Variants in DROSHA observed in about 807,000 individuals in gnomAD.
DROSHA encodes the protein drosha ribonuclease III.
DROSHA carries 56 observed loss-of-function variants against 181.9 expected under a neutral mutation model. The observed-to-expected ratio is 0.31, with a 90% CI of 0.25 to 0.38. The LOEUF is 0.38. Among genes scored for constraint, DROSHA ranks in the 10% least tolerant of loss-of-function variants. The pLI is 1.00. For missense variants in DROSHA, 1,218 were observed against 1,743.5 expected (o/e 0.70, Z 5.37); for synonymous variants, 524 against 591.2 (o/e 0.89, Z 1.65).
intron 16 of DROSHA, among the ~76,000 whole-genome samples, chr5:31,482,366 C>G (rs1751131948): frequency 6.6e-6 from 1 of 151,806 alleles, no homozygotes; most frequent in South Asian, 2.1e-4. Flanking sequence ...GAGCACAGGA[C>G]CTGGTGGGGA....
Position 31,401,339 on chromosome 5 carries a change from C to G in DROSHA, c.*93G>C. On this transcript the variant is annotated 3_prime_UTR_variant, in exon 36 of 36. Transcript: ENST00000344624. ...GTATTTTATTTCAATGAGCACACTTCATTCATTGTCTGCAGGAAAACTAGG... is the reference window on the plus strand; with the variant it reads ...GTATTTTATTTCAATGAGCACACTTGATTCATTGTCTGCAGGAAAACTAGG... 2.0e-6 allele frequency: 3 copies of G among 1,509,584 alleles called. No homozygotes were observed. Among genetic ancestry groups the G allele is most frequent in the Non-Finnish European group, 2.7e-6 (3 of 1,093,804 alleles). The allele number at this position is 1,509,584 out of a possible 1,614,324, so 93.5% of individuals were successfully genotyped here.
At chr5:31,506,136 G>T (rs1457381794) in intron 10 of DROSHA, among the ~76,000 whole-genome samples, 1 of 151,596 alleles carries the variant, frequency 6.6e-6, no homozygotes, top group Non-Finnish European at 1.5e-5. Context: ...TGAGGCGGAC[G>T]GATCACCTGA....
chr5:31,490,368 A>C (rs911963055), intron 13 of DROSHA, among the ~76,000 whole-genome samples: 3 of 151,496 alleles, frequency 2.0e-5, no homozygotes, highest in Non-Finnish European at 4.4e-5. Context: ...TTTTTTGTAG[A>C]GATGAGGTCC....
chr5:31,417,004 T>C (rs938839258), intron 30 of DROSHA, among the ~76,000 whole-genome samples: 4 of 152,154 alleles, frequency 2.6e-5, no homozygotes, highest in East Asian at 1.9e-4. Context: ...AGAAGACAGA[T>C]AGTAAACAAG....
At chr5:31,445,428 G>A (rs114982820) in intron 23 of DROSHA, among the ~76,000 whole-genome samples, 226 of 152,226 alleles carry the variant, frequency 1.5e-3, no homozygotes, top group Middle Eastern at 0.01. Context: ...AAAAGCTAAC[G>A]TACAAAACTT....
At chr5:31,471,713 T>C (rs1252873847) in intron 17 of DROSHA, among the ~76,000 whole-genome samples, 2 of 152,130 alleles carry the variant, frequency 1.3e-5, no homozygotes, top group Non-Finnish European at 2.9e-5. Context: ...CCCCCAACTC[T>C]CATCAAATTC....
chr5:31,530,733 G>A (rs1024460168), intron 3 of DROSHA, 65 bp downstream of exon 3: 2 of 386,744 alleles, frequency 5.2e-6, no homozygotes, highest in African/African-American at 4.2e-5. Flanking sequence ...AGCCCTTCCT[G>A]ATTCCCTTAG....
chr5:31,402,219 C>T (rs1463938834), intron 35 of DROSHA, among the ~76,000 whole-genome samples: 1 of 152,072 alleles, frequency 6.6e-6, no homozygotes, highest in African/African-American at 2.4e-5. Context: ...AAGATGTGGG[C>T]GAGCATGGCA....
At chr5:31,433,856 G>A (rs1744490995) in intron 25 of DROSHA, among the ~76,000 whole-genome samples, 1 of 152,156 alleles carries the variant, frequency 6.6e-6, no homozygotes, top group Non-Finnish European at 1.5e-5. Context: ...CCCGGTATTA[G>A]TACAACTTTT....
chr5:31,531,125 G>A (rs1485071442), intron 2 of DROSHA, among the ~76,000 whole-genome samples: 1 of 152,154 alleles, frequency 6.6e-6, no homozygotes, highest in African/African-American at 2.4e-5. Flanking sequence ...CACACAGCCT[G>A]TAGGATTCAA....
intron 9 of DROSHA, among the ~76,000 whole-genome samples, 190 bp downstream of exon 9, chr5:31,510,845 A>G (rs1297311258): frequency 6.6e-6 from 1 of 152,256 alleles, no homozygotes; most frequent in Non-Finnish European, 1.5e-5. Context: ...GTATTCTGCC[A>G]AATGAACTAA....
chr5:31,506,094 C>G (rs970877478), intron 10 of DROSHA, among the ~76,000 whole-genome samples: 1 of 152,214 alleles, frequency 6.6e-6, no homozygotes, highest in African/African-American at 2.4e-5. Flanking sequence ...TGCGCAGTGG[C>G]ACACGCCTGT....
At chr5:31,446,240 A>T (rs1746240275) in intron 23 of DROSHA, among the ~76,000 whole-genome samples, 1 of 152,060 alleles carries the variant, frequency 6.6e-6, no homozygotes, top group African/African-American at 2.4e-5. Flanking sequence ...AGGTCAGGAC[A>T]TCAAGACCAC....
intron 33 of DROSHA, among the ~76,000 whole-genome samples, chr5:31,407,407 G>A (rs1287024120): frequency 6.6e-6 from 1 of 152,114 alleles, no homozygotes; most frequent in Non-Finnish European, 1.5e-5. Context: ...TCTAATGTCT[G>A]TATCTTATCT....
chr5:31,481,804 A>C (rs1416639572), intron 16 of DROSHA, among the ~76,000 whole-genome samples: 2 of 152,234 alleles, frequency 1.3e-5, no homozygotes, highest in East Asian at 1.9e-4. Flanking sequence ...ACACAAGAGG[A>C]GTCAAAGAGA....
At chr5:31,504,958 C>T (rs1442256278) in intron 10 of DROSHA, among the ~76,000 whole-genome samples, 3 of 152,168 alleles carry the variant, frequency 2.0e-5, no homozygotes, top group African/African-American at 7.2e-5. Context: ...TTTCTTATCT[C>T]AAGAAAAATG....
chr5:31,461,983 C>T (rs1183626763), intron 20 of DROSHA, among the ~76,000 whole-genome samples: 1 of 152,030 alleles, frequency 6.6e-6, no homozygotes, highest in East Asian at 1.9e-4. Context: ...AATAATGCAT[C>T]CAGGATAATT....
chr5:31,492,183 C>A (rs1561246891), intron 13 of DROSHA, among the ~76,000 whole-genome samples: 1 of 152,082 alleles, frequency 6.6e-6, no homozygotes, highest in Non-Finnish European at 1.5e-5. Flanking sequence ...TTTTACATTA[C>A]AATGTAATCA....
In DROSHA at chr5:31,409,524, A is replaced by T. The variant is rs898433207; in HGVS notation, c.3668-192T>A. 5.2e-6 allele frequency: 3 copies of T among 579,152 alleles called. No homozygotes were observed. The highest frequency in any genetic ancestry group is 2.1e-5 in the South Asian group (1 of 48,410). The allele number at this position is 579,152 out of a possible 1,614,324, so 35.9% of individuals were successfully genotyped here. ...TCAGAAGCAGCAAGAGATGTGTAAG[A>T]TGCAAATCATAGAGTACAAACACCA... On this transcript the variant is annotated intron_variant, in intron 31 of 35. Coordinates refer to ENST00000344624, the MANE Select transcript of DROSHA (RefSeq NM_001382508.1). The surrounding 1 kb of genome is among the most constrained non-coding windows in gnomAD (Gnocchi z 4.0).
Sources: gnomAD v4.1 joint callset for allele counts (sites outside exome capture counted in the v4.1 genomes callset) on GRCh38, gnomAD v4.1.1 for gene constraint, Gnocchi (gnomAD v3.1) non-coding constraint, MANE v1.5 for transcripts, NCBI Gene and HGNC (gene_info 2026-07-23, HGNC 2026-07-21) for gene names.